The following UBAP2 variants were observed in gnomAD, a reference collection of about 807,000 sequenced individuals.
UBAP2 encodes ubiquitin associated protein 2.
A neutral mutation model predicts 139.6 loss-of-function variants in UBAP2; 75 were observed. The ratio of observed to expected loss-of-function variants is 0.54; its 90% CI spans 0.45 to 0.65. The LOEUF (loss-of-function observed/expected upper bound fraction) is 0.65, where lower values mean the gene tolerates loss of function less well. Among genes scored for constraint, UBAP2 ranks in the 30% least tolerant of loss-of-function variants. The pLI, the probability that UBAP2 is intolerant of heterozygous loss-of-function variation, is 0.00. For missense variants in UBAP2, 1,368 were observed against 1,369.6 expected, an observed-to-expected ratio of 1.00 and a Z score of 0.02; for synonymous variants, 526 against 526.2, an observed-to-expected ratio of 1.00 and a Z score of 0.01.
intron 8 of UBAP2, among the ~76,000 whole-genome samples, chr9:33,964,409 AAG>A (rs1384520559): frequency 2.6e-5 from 4 of 152,162 alleles, no homozygotes; most frequent in African/African-American, 7.2e-5. Context: ...GATGAAAGAA[AAG>A]AGAGAGGAGG....
At chr9:34,004,352 G>GT (rs1564057812) in intron 2 of UBAP2, among the ~76,000 whole-genome samples, 3 of 152,268 alleles carry the variant, frequency 2.0e-5, no homozygotes, top group Non-Finnish European at 2.9e-5. Flanking sequence ...AAGTGTGGTG[G>GT]TAAGTGCTGT....
intron 2 of UBAP2, among the ~76,000 whole-genome samples, chr9:34,008,078 T>G (rs1823393821): frequency 1.3e-5 from 2 of 151,942 alleles, no homozygotes; most frequent in Non-Finnish European, 2.9e-5. Context: ...AAGGTTGTAG[T>G]GAGCCGAGAT....
intron 1 of UBAP2, among the ~76,000 whole-genome samples, chr9:34,027,840 C>G (rs1825543837): frequency 1.4e-5 from 2 of 143,594 alleles, no homozygotes; most frequent in Admixed American, 1.5e-4. Flanking sequence ...CCAGGCTGGG[C>G]GACAGAGCGA....
chr9:33,926,748 T>C lies in UBAP2; in HGVS notation c.2464-84A>G, dbSNP rs940783685. 22 of 1,448,248 alleles carry C rather than the reference T, an allele frequency of 1.5e-5. No individual in the cohort carries two copies. The East Asian group carries it at 1.6e-4, about 10-fold the overall frequency. 89.7% of individuals were successfully genotyped at this position (1,448,248 alleles called of 1,614,324 possible). On this transcript the variant is annotated intron_variant, in intron 21 of 28. Transcript: ENST00000379238. ...GGTCCATCTAGGAGTCAAAACAAGG[T>C]TGGGGGGCTCTAACACACCCGGGAA... is the stretch of plus-strand genomic sequence containing the variant.
At chr9:33,943,009 C>T (rs1276857790) in intron 15 of UBAP2, among the ~76,000 whole-genome samples, 4 of 152,148 alleles carry the variant, frequency 2.6e-5, no homozygotes, top group South Asian at 2.1e-4. Context: ...CAGCATCATT[C>T]ACTATAGTCA....
At chr9:34,035,510 A>ATATATATATATATATATATATATATATAT (rs1554692760) in intron 1 of UBAP2, among the ~76,000 whole-genome samples, 2 of 3,822 alleles carry the variant, frequency 5.2e-4, no homozygotes, top group African/African-American at 8.8e-4. Flanking sequence ...TAAAAAAAAA[A>ATATATATATATATATATATATATATATAT]AAAAATATAT....
chr9:33,961,013 G>A (rs1827010807), intron 9 of UBAP2, 135 bp from the exon 10 acceptor site: 2 of 735,860 alleles, frequency 2.7e-6, no homozygotes, highest in African/African-American at 1.8e-5. Flanking sequence ...TACAACCCAA[G>A]AAACATGACG....
intron 1 of UBAP2, among the ~76,000 whole-genome samples, chr9:34,020,598 T>C (rs1824854179): frequency 6.6e-6 from 1 of 151,886 alleles, no homozygotes; most frequent in Non-Finnish European, 1.5e-5. Context: ...AGTGCTGAGA[T>C]TACAGGCGTG....
chr9:33,970,750 T>C (rs891765793), intron 8 of UBAP2, among the ~76,000 whole-genome samples: 17 of 152,174 alleles, frequency 1.1e-4, no homozygotes, highest in African/African-American at 3.6e-4. Flanking sequence ...TATTGAGCTA[T>C]ATTCTAAGTC....
At chr9:33,958,610 G>A (rs930112115) in intron 10 of UBAP2, among the ~76,000 whole-genome samples, 1 of 150,362 alleles carries the variant, frequency 6.7e-6, no homozygotes, top group African/African-American at 2.4e-5. Flanking sequence ...GTTTCACCAC[G>A]TTGGCCAGGC....
intron 10 of UBAP2, 143 bp downstream of exon 10, chr9:33,960,683 G>A: frequency 1.4e-6 from 1 of 712,942 alleles, no homozygotes; most frequent in East Asian, 2.7e-5. Flanking sequence ...GGGAGGCTGA[G>A]GCAGAAGAAC....
chr9:34,019,354 G>A (rs1587670836), intron 1 of UBAP2, among the ~76,000 whole-genome samples: 2 of 152,068 alleles, frequency 1.3e-5, no homozygotes, highest in East Asian at 3.9e-4. Flanking sequence ...AGTGAGCCAA[G>A]GTAGTGCCAC....
intron 2 of UBAP2, among the ~76,000 whole-genome samples, chr9:34,009,998 A>G (rs189648028): frequency 6.7e-6 from 1 of 149,320 alleles, no homozygotes; most frequent in East Asian, 2.0e-4. Flanking sequence ...GTAGAGACGG[A>G]GTTTCTCCAT....
intron 19 of UBAP2, among the ~76,000 whole-genome samples, chr9:33,930,245 CTA>C (rs1358296462): frequency 6.6e-6 from 1 of 152,156 alleles, no homozygotes; most frequent in Non-Finnish European, 1.5e-5. Flanking sequence ...GGTTGAATCA[CTA>C]TGCGGGGCAA....
chr9:33,974,207 C>A (rs999557597), intron 6 of UBAP2, among the ~76,000 whole-genome samples: 1 of 152,084 alleles, frequency 6.6e-6, no homozygotes, highest in African/African-American at 2.4e-5. Flanking sequence ...ACAACAAAAT[C>A]TGTAACAAAA....
intron 4 of UBAP2, among the ~76,000 whole-genome samples, chr9:33,993,599 G>A (rs1821900034): frequency 6.6e-6 from 1 of 152,188 alleles, no homozygotes; most frequent in South Asian, 2.1e-4. Context: ...CCGGGAGGTC[G>A]AGGCTGTAGT....
At position 33,922,452 on chromosome 9, in the gene UBAP2, T is replaced by TTC; in HGVS notation, c.*50_*51dup. 6.4e-7 allele frequency: 1 copy of TTC among 1,566,148 alleles called. No individual in the cohort carries two copies. The highest frequency in any genetic ancestry group is 1.2e-5 in the South Asian group (1 of 86,952). On this transcript the variant is annotated 3_prime_UTR_variant, in exon 29 of 29. Transcript: ENST00000379238. The stretch of plus-strand genomic sequence containing the variant: ...GGGCTCCCAAATACGTGCTCGTGTG[T>TTC]TCTCTCCTGCCCAGGATAAGCCTTG...
intron 1 of UBAP2, among the ~76,000 whole-genome samples, chr9:34,035,514 A>AAAAAAAAAAAATATATATAT: frequency 2.7e-4 from 6 of 22,490 alleles, no homozygotes; most frequent in Admixed American, 6.9e-4. Flanking sequence ...AAAAAAAAAA[A>AAAAAAAAAAAATATATATAT]ATATATATAT....
At position 33,996,285 on chromosome 9, in the gene UBAP2, G is replaced by A. The variant is rs779400925; in HGVS notation, c.226C>T (p.His76Tyr). The change falls in exon 4 of 29, where the codon CAT becomes TAT. Residue 76 changes from histidine to tyrosine, a missense_variant. Physicochemically the swap from His to Tyr is moderately conservative, Grantham distance 83. Transcript: ENST00000379238. Reference sequence around the variant, plus strand: ...TTGTTCACATCTCCATTACAATCATGTAGGGCCACTATGCATTCATCCTGA... The same window carrying A: ...TTGTTCACATCTCCATTACAATCATATAGGGCCACTATGCATTCATCCTGA... ...KNQDECIVALHDCNGDVNKAI... is the reference protein window; with the variant it reads ...KNQDECIVALYDCNGDVNKAI... 14 of 1,613,676 alleles carry A rather than the reference G, an allele frequency of 8.7e-6. No individual in the cohort carries two copies. Among genetic ancestry groups the A allele is most frequent in the Non-Finnish European group, 1.2e-5 (14 of 1,179,900 alleles).
Sources: allele counts gnomAD v4.1 joint callset (sites outside exome capture counted in the v4.1 genomes callset), GRCh38; gene constraint gnomAD v4.1.1; transcripts MANE v1.5; gene names NCBI Gene and HGNC (gene_info 2026-07-23, HGNC 2026-07-21).